The following UNC93A variants were observed in gnomAD, a reference collection of about 807,000 sequenced individuals.
UNC93A encodes unc-93 homolog A.
A neutral mutation model predicts 47.5 loss-of-function variants in UNC93A; 43 were observed. The observed-to-expected ratio is 0.91, with a 90% CI of 0.71 to 1.17. UNC93A has a LOEUF of 1.17. Ranked by LOEUF, UNC93A falls within the 50% of genes most tolerant of loss-of-function variation. The pLI is 0.00. For missense variants in UNC93A, 605 were observed against 577.6 expected (o/e 1.05, Z -0.49); for synonymous variants, 280 against 258.0 (o/e 1.09, Z -0.82).
intron 1 of UNC93A, among the ~76,000 whole-genome samples, chr6:167,281,361 G>A (rs1783630708): frequency 1.3e-5 from 2 of 152,178 alleles, no homozygotes; most frequent in Non-Finnish European, 1.5e-5. Context: ...TGAGACCAGA[G>A]GGTCATACAT....
chr6:167,286,304 C>T (rs1019529719), intron 1 of UNC93A, among the ~76,000 whole-genome samples: 15 of 152,184 alleles, frequency 9.9e-5, no homozygotes, highest in Admixed American at 3.3e-4. Context: ...GCTGAGAGAC[C>T]CACACTGCAC....
chr6:167,315,254 C>T lies in UNC93A; in HGVS notation c.1176C>T (p.Ala392=), dbSNP rs747576991. 2 of 1,613,708 alleles carry T rather than the reference C, an allele frequency of 1.2e-6. No individual in the cohort carries two copies. Among genetic ancestry groups the T allele is most frequent in the Non-Finnish European group, 1.7e-6 (2 of 1,179,842 alleles). Residue 392 remains alanine (A), a synonymous_variant, in exon 8 of 8, where the codon GCC becomes GCT. Transcript: ENST00000230256. ...AAFANYRLWE[A]LGFVIAFGYS... ...TCGCCAATTACCGCCTGTGGGAGGC[C>T]CTGGGCTTCGTCATTGCCTTCGGGT...
chr6:167,306,391 C>T (rs144347999), intron 6 of UNC93A, among the ~76,000 whole-genome samples: 2 of 152,294 alleles, frequency 1.3e-5, no homozygotes, highest in South Asian at 2.1e-4. Context: ...AGTGGTGAGG[C>T]CATGGGGTTC....
intron 6 of UNC93A, among the ~76,000 whole-genome samples, chr6:167,307,134 C>T (rs962152841): frequency 6.6e-6 from 1 of 152,144 alleles, no homozygotes; most frequent in African/African-American, 2.4e-5. Flanking sequence ...AATGAGAAGG[C>T]CCTTCTCTTT....
chr6:167,295,475 C>T (rs1973895), intron 2 of UNC93A, among the ~76,000 whole-genome samples: 36 of 74,340 alleles, frequency 4.8e-4, no homozygotes, highest in African/African-American at 3.2e-3. Flanking sequence ...CTCCTCGCCT[C>T]CCTCGTGAAC....
intron 6 of UNC93A, among the ~76,000 whole-genome samples, chr6:167,306,818 G>A (rs1778409997): frequency 1.3e-5 from 2 of 152,318 alleles, no homozygotes; most frequent in Admixed American, 6.5e-5. Flanking sequence ...TGGGGCATGC[G>A]GTGTGGACCT....
chr6:167,283,336 G>A (rs1783664142), intron 1 of UNC93A, among the ~76,000 whole-genome samples: 1 of 152,164 alleles, frequency 6.6e-6, no homozygotes, highest in Non-Finnish European at 1.5e-5. Flanking sequence ...TAAGATCTCT[G>A]TTTTCATGTG....
intron 1 of UNC93A, among the ~76,000 whole-genome samples, chr6:167,275,963 A>G (rs1044077706): frequency 1.3e-5 from 2 of 151,878 alleles, no homozygotes; most frequent in Non-Finnish European, 2.9e-5. Context: ...TGTGTCCATC[A>G]CACATCTCTC....
intron 7 of UNC93A, among the ~76,000 whole-genome samples, chr6:167,311,329 C>T (rs1778550806): frequency 6.6e-6 from 1 of 152,152 alleles, no homozygotes; most frequent in Non-Finnish European, 1.5e-5. Context: ...CCATTTGAGC[C>T]CCTCCTTCCT....
At chr6:167,297,852 A>G (rs2115135272) in intron 3 of UNC93A, 93 bp from the exon 4 acceptor site, 2 of 1,519,838 alleles carry the variant, frequency 1.3e-6, no homozygotes, top group South Asian at 1.3e-5. Flanking sequence ...CAGGTGTCCA[A>G]TGTCCTTTCC....
intron 1 of UNC93A, 141 bp downstream of exon 1, chr6:167,291,717 C>G: frequency 1.3e-6 from 1 of 762,926 alleles, no homozygotes; most frequent in Non-Finnish European, 2.1e-6. Flanking sequence ...TCCTCTAAAA[C>G]AAACAGTGGT....
At chr6:167,297,866 G>A (rs1583078366) in intron 3 of UNC93A, 79 bp from the exon 4 acceptor site, 1 of 1,559,034 alleles carries the variant, frequency 6.4e-7, no homozygotes, top group East Asian at 2.3e-5. Flanking sequence ...CCTTTCCACT[G>A]TCACTTTGAT....
intron 6 of UNC93A, among the ~76,000 whole-genome samples, chr6:167,306,729 T>C (rs1436293519): frequency 1.3e-5 from 2 of 152,188 alleles, no homozygotes; most frequent in African/African-American, 4.8e-5. Flanking sequence ...CGGCGCCCTG[T>C]GAAGCAGACA....
At chr6:167,309,180 C>T (rs902596496) in intron 7 of UNC93A, among the ~76,000 whole-genome samples, 2 of 152,152 alleles carry the variant, frequency 1.3e-5, no homozygotes, top group Admixed American at 6.5e-5. Flanking sequence ...TAGCCGAGAT[C>T]GCACCACTGC....
intron 6 of UNC93A, among the ~76,000 whole-genome samples, chr6:167,307,313 A>T (rs1303833660): frequency 6.6e-6 from 1 of 152,214 alleles, no homozygotes; most frequent in South Asian, 2.1e-4. Flanking sequence ...ACGCATACAC[A>T]TCAGCTCACA....
chr6:167,285,512 T>C (rs1562344039), intron 1 of UNC93A, among the ~76,000 whole-genome samples: 1 of 151,760 alleles, frequency 6.6e-6, no homozygotes, highest in African/African-American at 2.4e-5. Context: ...GCCTCGATGG[T>C]GGCCTGACTC....
chr6:167,294,493 A>C (rs1371131808), intron 1 of UNC93A, 24 bp from the exon 2 acceptor site: 1 of 1,612,912 alleles, frequency 6.2e-7, no homozygotes. Flanking sequence ...CTGTGCTCTG[A>C]CAGGGCTGGC....
chr6:167,295,727 T>TCCTGCTCCTCGCCTG (rs1778063314), intron 2 of UNC93A, among the ~76,000 whole-genome samples: 2 of 47,866 alleles, frequency 4.2e-5, no homozygotes, highest in Non-Finnish European at 8.0e-5. Context: ...CTCCTCGCCT[T>TCCTGCTCCTCGCCTG]CCTCGTGCTC....
chr6:167,299,870 G>T (rs534283641), intron 4 of UNC93A, among the ~76,000 whole-genome samples: 1 of 152,352 alleles, frequency 6.6e-6, no homozygotes, highest in East Asian at 1.9e-4. Context: ...GTGCCAAAGG[G>T]TCTGGACGAG....
Sources: allele counts gnomAD v4.1 joint callset (sites outside exome capture counted in the v4.1 genomes callset), GRCh38; gene constraint gnomAD v4.1.1; transcripts MANE v1.5; gene names NCBI Gene and HGNC (gene_info 2026-07-23, HGNC 2026-07-21).